Variants in MACROD2 observed in about 807,000 individuals in gnomAD.
MACROD2 encodes the protein ADP-ribose glycohydrolase MACROD2.
A neutral mutation model predicts 70.4 loss-of-function variants in MACROD2; 36 were observed. The observed-to-expected ratio is 0.51, with a 90% confidence interval of 0.39 to 0.68. MACROD2 has a LOEUF of 0.68. Ranked by LOEUF, MACROD2 falls within the 30% of genes least tolerant of loss-of-function variation. MACROD2 has a pLI of 0.00. For missense variants in MACROD2, 496 were observed against 538.4 expected (o/e 0.92, Z 0.78); for synonymous variants, 172 against 178.8 (o/e 0.96, Z 0.30).
intron 3 of MACROD2, among the ~76,000 whole-genome samples, chr20:14,270,099 A>G (rs2082178624): frequency 6.6e-6 from 1 of 152,112 alleles, no homozygotes; most frequent in South Asian, 2.1e-4. Context: ...GTTTTTTTAG[A>G]GAGGGGCATG....
At chr20:14,205,125 G>A (rs1037218438) in intron 3 of MACROD2, among the ~76,000 whole-genome samples, 3 of 152,200 alleles carry the variant, frequency 2.0e-5, no homozygotes, top group African/African-American at 7.2e-5. Context: ...ATTGGAACAG[G>A]AATCTGTATT....
intron 7 of MACROD2, among the ~76,000 whole-genome samples, chr20:15,460,155 C>T (rs77584320): frequency 0.052 from 7,926 of 152,232 alleles, 266 homozygotes; most frequent in Non-Finnish European, 0.058. Flanking sequence ...TTTTCAGCCA[C>T]TCTACTCCCG....
chr20:14,362,247 A>G (rs1276782379), intron 3 of MACROD2, among the ~76,000 whole-genome samples: 1 of 152,236 alleles, frequency 6.6e-6, no homozygotes, highest in African/African-American at 2.4e-5. Context: ...TCTTGATACC[A>G]ACCAAGTGAG....
At chr20:15,385,400 T>C (rs1259546628) in intron 6 of MACROD2, among the ~76,000 whole-genome samples, 1 of 152,184 alleles carries the variant, frequency 6.6e-6, no homozygotes, top group Non-Finnish European at 1.5e-5. Context: ...TTCAAGATGG[T>C]GTCCCAGAGA....
chr20:15,457,861 C>A (rs1235924474), intron 7 of MACROD2, among the ~76,000 whole-genome samples: 1 of 151,002 alleles, frequency 6.6e-6, no homozygotes, highest in Non-Finnish European at 1.5e-5. Flanking sequence ...CTAATGATTT[C>A]ATCTCCGTGA....
chr20:14,231,602 G>A (rs1401103432), intron 3 of MACROD2, among the ~76,000 whole-genome samples: 7 of 152,196 alleles, frequency 4.6e-5, no homozygotes, highest in South Asian at 2.1e-4. Flanking sequence ...ATAAACATAC[G>A]TGTGCATGTG....
chr20:14,324,584 C>T (rs567937570), intron 3 of MACROD2: 3 of 152,168 alleles, frequency 2.0e-5, no homozygotes, highest in South Asian at 2.1e-4. Context: ...TGAGGGGAAT[C>T]GCTTATAATT....
chr20:15,918,579 G>A (rs1275179272), intron 10 of MACROD2, among the ~76,000 whole-genome samples: 2 of 152,152 alleles, frequency 1.3e-5, no homozygotes, highest in African/African-American at 2.4e-5. Context: ...AATCTTCTGG[G>A]TTCCATAAAA....
chr20:15,243,382 T>C (rs1428189756), intron 6 of MACROD2, among the ~76,000 whole-genome samples: 2 of 152,154 alleles, frequency 1.3e-5, no homozygotes, highest in African/African-American at 4.8e-5. Flanking sequence ...CTTCAAGTGA[T>C]GAAAAGGGTA....
intron 7 of MACROD2, among the ~76,000 whole-genome samples, chr20:15,470,233 T>C (rs6110618): frequency 0.011 from 1,600 of 152,224 alleles, 33 homozygotes; most frequent in African/African-American, 0.036. Flanking sequence ...GTATTTTTAG[T>C]AGAGACGGGG....
chr20:15,936,669 G>GTATATATATATATATATATATATATA (rs1568653268), intron 11 of MACROD2, among the ~76,000 whole-genome samples: 18 of 33,116 alleles, frequency 5.4e-4, no homozygotes, highest in African/African-American at 1.3e-3. Context: ...GTGTATATGT[G>GTATATATATATATATATATATATATA]TGTATATATA....
rs568273545 is a variant in MACROD2, at chr20:14,466,354, G to A, written c.272-27125G>A. On this transcript the variant is annotated intron_variant, in intron 3 of 17. Coordinates refer to ENST00000684519, the MANE Select transcript of MACROD2 (RefSeq NM_001351661.2). ...TTACTGAGGCTTGTGCTTTTGTCAC[G>A]TAGTTTTTGTGCCTTGGTTTTCAGC... Among the ~76,000 whole-genome samples, 32 of 152,114 alleles carry A rather than the reference G, an allele frequency of 2.1e-4. 1 individual carries two copies. The South Asian group carries it at 6.2e-3, about 30-fold the overall frequency.
At chr20:15,467,762 AT>A (rs2046913812) in intron 7 of MACROD2, among the ~76,000 whole-genome samples, 1 of 152,264 alleles carries the variant, frequency 6.6e-6, no homozygotes, top group East Asian at 1.9e-4. Flanking sequence ...TTGTTTATTC[AT>A]TCCACAAATG....
At chr20:14,581,860 T>C (rs969359632) in intron 4 of MACROD2, among the ~76,000 whole-genome samples, 1 of 152,138 alleles carries the variant, frequency 6.6e-6, no homozygotes, top group Non-Finnish European at 1.5e-5. Context: ...GTCCAGTGCA[T>C]CCTTATACCT....
intron 8 of MACROD2, among the ~76,000 whole-genome samples, chr20:15,803,860 G>C (rs1472954559): frequency 6.6e-6 from 1 of 152,162 alleles, no homozygotes; most frequent in Admixed American, 6.5e-5. Context: ...TAAAATTCTA[G>C]TAAAAAGCCA....
intron 5 of MACROD2, among the ~76,000 whole-genome samples, chr20:15,052,341 T>C (rs1164891768): frequency 6.6e-6 from 1 of 152,208 alleles, no homozygotes; most frequent in Non-Finnish European, 1.5e-5. Flanking sequence ...GCAGATATTG[T>C]GTCTTTTTAC....
At chr20:15,138,341 A>T (rs935749077) in intron 5 of MACROD2, among the ~76,000 whole-genome samples, 6 of 152,168 alleles carry the variant, frequency 3.9e-5, no homozygotes, top group Non-Finnish European at 5.9e-5. Context: ...CTAAGGCATG[A>T]ATGATTTTTT....
At chr20:14,533,916 C>T (rs1382464877) in intron 4 of MACROD2, among the ~76,000 whole-genome samples, 2 of 152,178 alleles carry the variant, frequency 1.3e-5, no homozygotes, top group East Asian at 3.9e-4. Flanking sequence ...AATGTGTCCA[C>T]ATGGTAACTT....
At chr20:15,045,746 C>CT (rs1555777168) in intron 5 of MACROD2, among the ~76,000 whole-genome samples, 3 of 75,872 alleles carry the variant, frequency 4.0e-5, no homozygotes, top group South Asian at 3.7e-4. Flanking sequence ...TTTTTTTTTC[C>CT]CTTTCTGATA....
Sources: allele counts gnomAD v4.1 joint callset (sites outside exome capture counted in the v4.1 genomes callset), GRCh38; gene constraint gnomAD v4.1.1; transcripts MANE v1.5; gene names NCBI Gene and HGNC (gene_info 2026-07-23, HGNC 2026-07-21).